Variants in MYO9B observed in about 807,000 individuals in gnomAD.
MYO9B encodes myosin IXB.
In MYO9B, 71 loss-of-function variants were observed where a neutral mutation model predicts 229.5. That is an observed-to-expected ratio of 0.31 (90% CI 0.26 to 0.38). The LOEUF (loss-of-function observed/expected upper bound fraction) is 0.38, where lower values mean the gene tolerates loss of function less well. Ranked by LOEUF, MYO9B falls within the 10% of genes least tolerant of loss-of-function variation. The probability of loss-of-function intolerance (pLI) is 1.00; values close to 1 mark genes in which losing one functional copy is unlikely to be tolerated. For synonymous variants in MYO9B, 1,185 were observed against 1,235.8 expected (o/e 0.96, Z 0.86); for missense variants, 2,255 against 2,920.5 (o/e 0.77, Z 5.25).
intron 2 of MYO9B, among the ~76,000 whole-genome samples, chr19:17,134,362 T>G (rs945349743): frequency 6.7e-6 from 1 of 150,126 alleles, no homozygotes; most frequent in African/African-American, 2.5e-5. Context: ...ATCTCTTTGT[T>G]TTTTTTTTCG....
Position 17,087,082 on chromosome 19 carries a change from G to A in MYO9B, c.-59+11208G>A, listed in dbSNP as rs892674583. Among the ~76,000 whole-genome samples the A allele has an allele frequency of 7.2e-5, 11 of 152,152 alleles. 1 individual carries two copies. Among genetic ancestry groups the A allele is most frequent in the Admixed American group, 6.5e-5 (1 of 15,276 alleles). Reference sequence around the variant, plus strand: ...CTCCCCATTCTCTCTCCTGTGCCCAGCATCAGCCTGGCCCGGGGTGAGCAC... The same window carrying A: ...CTCCCCATTCTCTCTCCTGTGCCCAACATCAGCCTGGCCCGGGGTGAGCAC... On this transcript the variant is annotated intron_variant, in intron 1 of 39. Transcript: ENST00000682292.
At chr19:17,097,411 C>G (rs1365228591) in intron 1 of MYO9B, among the ~76,000 whole-genome samples, 1 of 151,742 alleles carries the variant, frequency 6.6e-6, no homozygotes, top group Non-Finnish European at 1.5e-5. Flanking sequence ...AAAAATAAAC[C>G]AGGCTCTCAA....
intron 4 of MYO9B, among the ~76,000 whole-genome samples, chr19:17,153,293 C>T (rs976422612): frequency 1.7e-4 from 25 of 151,310 alleles, no homozygotes; most frequent in Admixed American, 1.1e-3. Context: ...AAGCAATTCT[C>T]ATGCCTGAGG....
At chr19:17,082,441 C>G (rs1170124675) in intron 1 of MYO9B, among the ~76,000 whole-genome samples, 1 of 152,142 alleles carries the variant, frequency 6.6e-6, no homozygotes, top group Non-Finnish European at 1.5e-5. Context: ...GTGGGAGGCT[C>G]AAGGCTTTGC....
chr19:17,185,985 G>C lies in MYO9B; in HGVS notation c.2561G>C (p.Arg854Pro). 1 of 1,613,766 alleles carries C rather than the reference G, an allele frequency of 6.2e-7. No individual in the cohort carries two copies. The highest frequency in any genetic ancestry group is 8.5e-7 in the Non-Finnish European group (1 of 1,179,742). Residue 854 changes from arginine to proline, a missense_variant, in exon 18 of 40, where the codon CGT (arginine) becomes CCT (proline). Arg to Pro is a moderately radical substitution (Grantham distance 103). Transcript: ENST00000682292. Reference protein sequence around the residue: ...KAEPFFIRCIRSNAEKKELCF... With the variant: ...KAEPFFIRCIPSNAEKKELCF... ...GAGCCCTTCTTTATCCGCTGCATCCGTTCCAATGCTGAAAAGGTGAGTTTC... is the reference window on the plus strand; with the variant it reads ...GAGCCCTTCTTTATCCGCTGCATCCCTTCCAATGCTGAAAAGGTGAGTTTC...
intron 2 of MYO9B, among the ~76,000 whole-genome samples, chr19:17,130,684 T>G (rs980486804): frequency 4.6e-5 from 7 of 150,898 alleles, no homozygotes; most frequent in African/African-American, 1.7e-4. Flanking sequence ...CTCAGGAGGC[T>G]GAGGCAGGAG....
intron 30 of MYO9B, 21 bp downstream of exon 30, chr19:17,203,279 G>T: frequency 6.6e-7 from 1 of 1,522,996 alleles, no homozygotes; most frequent in Non-Finnish European, 8.9e-7. Flanking sequence ...CCCCCACCAG[G>T]CCCCAAAACC....
intron 2 of MYO9B, among the ~76,000 whole-genome samples, chr19:17,141,798 C>CCCCTGCACACT (rs1432039104): frequency 6.6e-6 from 1 of 152,190 alleles, no homozygotes; most frequent in African/African-American, 2.4e-5. Context: ...CCAGAGGGGA[C>CCCCTGCACACT]CCCTGCACAC....
chr19:17,102,840 G>A (rs1044504193), intron 2 of MYO9B, among the ~76,000 whole-genome samples: 4 of 151,150 alleles, frequency 2.6e-5, no homozygotes, highest in Admixed American at 1.3e-4. Flanking sequence ...CCAGGAGTTC[G>A]AGGCTTCAGT....
In MYO9B at chr19:17,203,178, G is replaced by A; in HGVS notation, c.4910G>A (p.Ser1637Asn). The change falls in exon 30 of 40, where the codon AGC becomes AAC. Residue 1637 changes from serine (S) to asparagine (N), a missense_variant. Transcript: ENST00000682292. ...GAGCACAACGGGCACGTGTTCGCCAGCTACCAGGTTAGCATCCCGCAGTCG... is the reference window on the plus strand; with the variant it reads ...GAGCACAACGGGCACGTGTTCGCCAACTACCAGGTTAGCATCCCGCAGTCG... ...VQEHNGHVFASYQVSIPQSCE... is the reference protein window; with the variant it reads ...VQEHNGHVFANYQVSIPQSCE... 1 of 1,578,266 alleles carries A rather than the reference G, an allele frequency of 6.3e-7. No homozygotes were observed. Among genetic ancestry groups the A allele is most frequent in the South Asian group, 1.2e-5 (1 of 85,958 alleles).
chr19:17,097,351 C>T (rs1264733160), intron 1 of MYO9B, among the ~76,000 whole-genome samples: 1 of 151,260 alleles, frequency 6.6e-6, no homozygotes, highest in Non-Finnish European at 1.5e-5. Context: ...AACAGCATCT[C>T]GCCCTGTTGC....
At position 17,112,451 on chromosome 19, in the gene MYO9B, G is replaced by A. The variant is rs553611186; in HGVS notation, c.840+9894G>A. ...CTTCAGGGAGCAGGGCGGACGGGCC[G>A]GCTGGCGGGGGCCCTGGACTCGGGC... On this transcript the variant is annotated intron_variant, in intron 2 of 39. Coordinates refer to ENST00000682292, the MANE Select transcript of MYO9B (RefSeq NM_004145.4). Among the ~76,000 whole-genome samples, 149 of 152,328 alleles carry A rather than the reference G, an allele frequency of 9.8e-4. 1 individual carries two copies. The highest frequency in any genetic ancestry group is 3.4e-3 in the Middle Eastern group (1 of 294).
At chr19:17,203,095 G>A (rs2073125910) in intron 29 of MYO9B, 52 bp from the exon 30 acceptor site, 2 of 1,483,488 alleles carry the variant, frequency 1.3e-6, no homozygotes, top group African/African-American at 2.8e-5. Context: ...CCAGTGGCTG[G>A]GGAGGGCTGC....
At chr19:17,076,670 G>A (rs2123405602) in intron 1 of MYO9B, among the ~76,000 whole-genome samples, 1 of 152,134 alleles carries the variant, frequency 6.6e-6, no homozygotes, top group South Asian at 2.1e-4. Context: ...CACCCTCTGT[G>A]CCAGTGTCCT....
intron 35 of MYO9B, among the ~76,000 whole-genome samples, chr19:17,209,035 C>A (rs1269874177): frequency 6.6e-6 from 1 of 152,130 alleles, no homozygotes; most frequent in Non-Finnish European, 1.5e-5. Context: ...TGGTTCTGAC[C>A]ACTCCAAGCT....
At position 17,191,235 on chromosome 19, in the gene MYO9B, C is replaced by T. The variant is rs2072981661; in HGVS notation, c.2811+16C>T. On this transcript the variant is annotated intron_variant, in intron 20 of 39. Transcript: ENST00000682292. ...GAAGACCAAGGTCAGCGCTCCTGCC[C>T]CTCGGGGCACTACAAACCCACACCC... 1 of 1,608,458 alleles carries T rather than the reference C, an allele frequency of 6.2e-7. No homozygotes were observed. Among genetic ancestry groups the T allele is most frequent in the East Asian group, 2.2e-5 (1 of 44,674 alleles).
chr19:17,198,353 C>G, intron 24 of MYO9B, 45 bp downstream of exon 24: 1 of 1,607,926 alleles, frequency 6.2e-7, no homozygotes, highest in East Asian at 2.2e-5. Flanking sequence ...AGAGGATGCC[C>G]GGGGTCCCTG....
intron 10 of MYO9B, among the ~76,000 whole-genome samples, chr19:17,165,896 T>A (rs2072653909): frequency 6.6e-6 from 1 of 152,218 alleles, no homozygotes; most frequent in African/African-American, 2.4e-5. Context: ...AAATAAAGCT[T>A]TATTGGCACA....
intron 15 of MYO9B, among the ~76,000 whole-genome samples, chr19:17,182,372 G>T (rs1303507122): frequency 6.6e-6 from 1 of 152,000 alleles, no homozygotes; most frequent in Middle Eastern, 3.2e-3. Flanking sequence ...ACAGGCATGA[G>T]CCACCGCACC....
Sources: gnomAD v4.1 joint callset for allele counts (sites outside exome capture counted in the v4.1 genomes callset) on GRCh38, gnomAD v4.1.1 for gene constraint, MANE v1.5 for transcripts, NCBI Gene and HGNC (gene_info 2026-07-23, HGNC 2026-07-21) for gene names.